MDGA2: variants seen among roughly 807,000 people sequenced by gnomAD.
MDGA2 encodes MAM domain-containing glycosylphosphatidylinositol anchor protein 2.
MDGA2 carries 40 observed loss-of-function variants against 117.8 expected under a neutral mutation model. That is an observed-to-expected ratio of 0.34 (90% CI 0.26 to 0.44). The LOEUF is 0.44. MDGA2 is among the 20% of genes least tolerant of loss of function. The probability of loss-of-function intolerance (pLI) is 1.00; values close to 1 mark genes in which losing one functional copy is unlikely to be tolerated. For missense variants in MDGA2, 1,123 were observed against 1,250.6 expected, an observed-to-expected ratio of 0.90 and a Z score of 1.54; for synonymous variants, 452 against 439.0, an observed-to-expected ratio of 1.03 and a Z score of -0.37.
chr14:47,055,938 T>C (rs1411148597), intron 7 of MDGA2, among the ~76,000 whole-genome samples: 1 of 152,130 alleles, frequency 6.6e-6, no homozygotes, highest in Non-Finnish European at 1.5e-5. Context: ...GGATTTTACT[T>C]CACAATTTTG....
intron 1 of MDGA2, among the ~76,000 whole-genome samples, chr14:47,358,496 G>T (rs1195995220): frequency 6.6e-6 from 1 of 152,100 alleles, no homozygotes; most frequent in South Asian, 2.1e-4. Flanking sequence ...GAAACAAAGG[G>T]TATTCAAATC....
At chr14:47,068,281 C>T (rs1000985427) in intron 6 of MDGA2, among the ~76,000 whole-genome samples, 2 of 151,720 alleles carry the variant, frequency 1.3e-5, no homozygotes, top group Non-Finnish European at 2.9e-5. Context: ...ACGTTTTAGG[C>T]AGGCACAATG....
chr14:46,928,602 A>G (rs1251084093), intron 9 of MDGA2, among the ~76,000 whole-genome samples: 2 of 152,120 alleles, frequency 1.3e-5, no homozygotes, highest in Admixed American at 6.6e-5. Context: ...TCCACTTTCT[A>G]GTGACTCAGC....
chr14:46,985,289 ATAAT>A (rs1886820090), intron 8 of MDGA2, among the ~76,000 whole-genome samples: 1 of 152,088 alleles, frequency 6.6e-6, no homozygotes, highest in Admixed American at 6.6e-5. Context: ...TTGGCAAGGG[ATAAT>A]CTAGTAGTAT....
At position 47,414,354 on chromosome 14, in the gene MDGA2, G is replaced by A. The variant is rs565147897; in HGVS notation, c.281-112804C>T. Among the ~76,000 whole-genome samples the A allele has an allele frequency of 7.2e-5, 11 of 152,140 alleles. No homozygotes were observed. In the South Asian group the frequency reaches 2.1e-3, roughly 29 times the overall value. ...GATTGAGTATTTTATTACAGTATGA[G>A]ATAACAAATGACCACTTCATCAACT... On this transcript the variant is annotated intron_variant, in intron 1 of 16. Coordinates refer to ENST00000399232, the MANE Select transcript of MDGA2 (RefSeq NM_001113498.3).
rs1031457428 is a variant in MDGA2, at chr14:47,089,064, T to C, written c.1195+7790A>G. Among the ~76,000 whole-genome samples, 7 of 152,124 alleles carry C rather than the reference T, an allele frequency of 4.6e-5. No homozygotes were observed. The South Asian group carries it at 8.3e-4, about 18-fold the overall frequency. On this transcript the variant is annotated intron_variant, in intron 6 of 16. Coordinates refer to ENST00000399232, the MANE Select transcript of MDGA2 (RefSeq NM_001113498.3). ...AAGAAAACAATGTTACTAAGAAAAA[T>C]GTCTGAAGACTGAGTATTGTTGAGA...
intron 1 of MDGA2, among the ~76,000 whole-genome samples, chr14:47,433,787 C>G (rs1301391773): frequency 6.6e-6 from 1 of 152,050 alleles, no homozygotes; most frequent in African/African-American, 2.4e-5. Context: ...GCATTATCTG[C>G]TATTTAAATA....
At chr14:47,592,318 A>G (rs765531968) in intron 1 of MDGA2, among the ~76,000 whole-genome samples, 8 of 152,194 alleles carry the variant, frequency 5.3e-5, no homozygotes, top group Non-Finnish European at 1.2e-4. Flanking sequence ...CATATTTCCC[A>G]AAGCAATTTA....
intron 8 of MDGA2, among the ~76,000 whole-genome samples, chr14:46,981,922 A>G (rs911786497): frequency 4.0e-4 from 61 of 152,342 alleles, no homozygotes; most frequent in African/African-American, 1.4e-3. Context: ...TCACAGGGTG[A>G]CAAACCAAAA....
rs1259478652 is a variant in MDGA2, at chr14:47,035,232, T to C, written c.1598A>G (p.Gln533Arg). The C allele has an allele frequency of 1.9e-6, 3 of 1,614,050 alleles. No homozygotes were observed. The highest frequency in any genetic ancestry group is 1.7e-6 in the Non-Finnish European group (2 of 1,180,020). Residue 533 changes from glutamine to arginine, a missense_variant, in exon 8 of 17, where the codon CAA becomes CGA. Transcript: ENST00000399232. ...VTREGDTIEL[Q>R]CQVTGKPKPI... ...TTTAGGTTTGCCAGTTACTTGACAT[T>C]GCAGTTCTATTGTGTCTCCTTCTCT...
chr14:47,083,971 C>T (rs1321584870), intron 6 of MDGA2, among the ~76,000 whole-genome samples: 1 of 152,082 alleles, frequency 6.6e-6, no homozygotes, highest in Admixed American at 6.6e-5. Context: ...GACAAATCCA[C>T]AATTATACTT....
chr14:47,162,724 CT>C (rs959180635), intron 3 of MDGA2, among the ~76,000 whole-genome samples: 4 of 151,974 alleles, frequency 2.6e-5, no homozygotes, highest in African/African-American at 9.7e-5. Flanking sequence ...CCAAGTCTTT[CT>C]CCCTCTTTCC....
At chr14:47,640,159 T>G (rs2138243707) in intron 1 of MDGA2, among the ~76,000 whole-genome samples, 1 of 152,288 alleles carries the variant, frequency 6.6e-6, no homozygotes, top group Middle Eastern at 3.4e-3. Context: ...TTTCTCCATC[T>G]CCTCTTTCCT....
At chr14:47,508,224 T>G (rs1366312891) in intron 1 of MDGA2, among the ~76,000 whole-genome samples, 2 of 152,210 alleles carry the variant, frequency 1.3e-5, no homozygotes, top group Non-Finnish European at 2.9e-5. Context: ...CTTACACTAT[T>G]TCTTATATAG....
Position 47,189,608 on chromosome 14 carries a change from T to G in MDGA2, c.595+28413A>C, listed in dbSNP as rs528933287. 3.9e-5 allele frequency among the ~76,000 whole-genome samples: 6 copies of G among 152,318 alleles called. No homozygotes were observed. The South Asian group carries it at 1.2e-3, about 32-fold the overall frequency. ...TTAAACAAAAATGCTGTCATTGATT[T>G]GCAGTTTCATGATGATTGAAAGCAT... is the stretch of plus-strand genomic sequence containing the variant. On this transcript the variant is annotated intron_variant, in intron 3 of 16. Transcript: ENST00000399232.
intron 10 of MDGA2, among the ~76,000 whole-genome samples, chr14:46,908,570 C>T (rs528878048): frequency 6.6e-6 from 1 of 152,214 alleles, no homozygotes; most frequent in South Asian, 2.1e-4. Context: ...GTTTGCTGTG[C>T]AAGTGATCTG....
chr14:47,587,673 C>T lies in MDGA2; in HGVS notation c.280+86844G>A, dbSNP rs181038643. 5.3e-4 allele frequency among the ~76,000 whole-genome samples: 80 copies of T among 151,952 alleles called. No homozygotes were observed. The East Asian group carries it at 0.01, about 19-fold the overall frequency. ...TGTTTCTGTTCAAAGTATTCATTGC[C>T]CTGAATTTTATTTTTTAACATATTT... is the stretch of plus-strand genomic sequence containing the variant. On this transcript the variant is annotated intron_variant, in intron 1 of 16. Transcript: ENST00000399232.
chr14:47,069,697 C>T (rs1334566662), intron 6 of MDGA2, among the ~76,000 whole-genome samples: 2 of 152,132 alleles, frequency 1.3e-5, no homozygotes, highest in African/African-American at 4.8e-5. Flanking sequence ...CATGTTAGAA[C>T]ATGAGATAGT....
chr14:46,983,860 T>C (rs1198095118), intron 8 of MDGA2, among the ~76,000 whole-genome samples: 1 of 152,018 alleles, frequency 6.6e-6, no homozygotes, highest in South Asian at 2.1e-4. Context: ...CTAATACTTA[T>C]TGGGACTCTC....
Sources: allele counts gnomAD v4.1 joint callset (sites outside exome capture counted in the v4.1 genomes callset), GRCh38; gene constraint gnomAD v4.1.1; transcripts MANE v1.5; gene names NCBI Gene and HGNC (gene_info 2026-07-23, HGNC 2026-07-21).